The following ARID3A variants were observed in gnomAD, a reference collection of about 807,000 sequenced individuals.
ARID3A encodes AT-rich interaction domain 3A.
In ARID3A, 11 loss-of-function variants were observed where a neutral mutation model predicts 52.7. The ratio of observed to expected loss-of-function variants is 0.21; its 90% CI spans 0.13 to 0.35. ARID3A has a LOEUF of 0.35. ARID3A is among the 10% of genes least tolerant of loss of function. The pLI, the probability that ARID3A is intolerant of heterozygous loss-of-function variation, is 1.00. For missense variants in ARID3A, 721 were observed against 838.5 expected (o/e 0.86, Z 1.73); for synonymous variants, 404 against 359.4 (o/e 1.12, Z -1.40).
chr19:961,770 T>C (rs1331691955), intron 4 of ARID3A: 1 of 152,150 alleles, frequency 6.6e-6, no homozygotes, highest in Admixed American at 6.6e-5. Flanking sequence ...AGTACAAAAA[T>C]TGACCAGGCG....
At position 932,600 on chromosome 19, in the gene ARID3A, G is replaced by C; in HGVS notation, c.551G>C (p.Arg184Pro). 6.6e-7 allele frequency: 1 copy of C among 1,516,772 alleles called. No individual in the cohort carries two copies. Among genetic ancestry groups the C allele is most frequent in the Non-Finnish European group, 8.8e-7 (1 of 1,134,572 alleles). 94.0% of individuals were successfully genotyped at this position (1,516,772 alleles called of 1,614,324 possible). ...PRKAQPPQAF[R>P]GDGVPRVLGG... ...AAGGCCCAGCCACCCCAGGCCTTCCGCGGCGATGGCGTTCCCAGGGTGCTG... is the reference window on the plus strand; with the variant it reads ...AAGGCCCAGCCACCCCAGGCCTTCCCCGGCGATGGCGTTCCCAGGGTGCTG... Residue 184 changes from arginine (R) to proline (P), a missense_variant, in exon 3 of 9, where the codon CGC becomes CCC. Around this residue, in one of 5 missense-constraint regions of ARID3A, gnomAD observed 349 missense variants for 297.3 expected, o/e 1.17. Coordinates refer to ENST00000263620, the MANE Select transcript of ARID3A (RefSeq NM_005224.3).
rs545881906 is a variant in ARID3A, at chr19:942,489, C to T, written c.693+9747C>T. ...GCGGACCGCCTCTTCTCCGCTCTGCCGGCTGCACATGGCCAGAGGACAATT... is the reference window on the plus strand; with the variant it reads ...GCGGACCGCCTCTTCTCCGCTCTGCTGGCTGCACATGGCCAGAGGACAATT... On this transcript the variant is annotated intron_variant, in intron 3 of 8. Coordinates refer to ENST00000263620, the MANE Select transcript of ARID3A (RefSeq NM_005224.3). This position sits in a 1 kb window ranked among gnomAD's most constrained non-coding sequence, Gnocchi z 8.1. 4.6e-5 allele frequency among the ~76,000 whole-genome samples: 7 copies of T among 152,346 alleles called. No homozygotes were observed. Among genetic ancestry groups the T allele is most frequent in the South Asian group, 2.1e-4 (1 of 4,828 alleles).
At chr19:936,687 A>G (rs577984464) in intron 3 of ARID3A, among the ~76,000 whole-genome samples, 10 of 151,730 alleles carry the variant, frequency 6.6e-5, no homozygotes, top group Non-Finnish European at 1.0e-4. Flanking sequence ...CTAAAAATAT[A>G]AAAAATTAGC....
At chr19:939,331 G>A (rs1482616096) in intron 3 of ARID3A, among the ~76,000 whole-genome samples, 3 of 152,070 alleles carry the variant, frequency 2.0e-5, no homozygotes, top group African/African-American at 7.2e-5. Flanking sequence ...GTTGCCCAGG[G>A]TGGTCTCGTA....
chr19:970,377 T>C (rs1334662419), intron 8 of ARID3A, among the ~76,000 whole-genome samples: 3 of 151,754 alleles, frequency 2.0e-5, no homozygotes, highest in African/African-American at 7.3e-5. Flanking sequence ...CCAGGGGCAG[T>C]GGCCCACGCC....
chr19:939,523 G>T (rs1231270613), intron 3 of ARID3A, among the ~76,000 whole-genome samples: 2 of 152,124 alleles, frequency 1.3e-5, no homozygotes, highest in Admixed American at 6.5e-5. Flanking sequence ...TGACCTCTAG[G>T]GCATGAGCCG....
Position 974,801 on chromosome 19 carries a change from G to C in ARID3A, c.*2736G>C, listed in dbSNP as rs762318928. On this transcript the variant is annotated 3_prime_UTR_variant, in exon 9 of 9. Coordinates refer to ENST00000263620, the MANE Select transcript of ARID3A (RefSeq NM_005224.3). Reference sequence around the variant, plus strand: ...GCGATCCGGCCTCCCGGCGGTGGGTGGACCTGGATTCTAACTCAGAGGACT... The same window carrying C: ...GCGATCCGGCCTCCCGGCGGTGGGTCGACCTGGATTCTAACTCAGAGGACT... The C allele has an allele frequency of 1.4e-5, 3 of 214,216 alleles. No individual in the cohort carries two copies. The highest frequency in any genetic ancestry group is 2.8e-5 in the Non-Finnish European group (3 of 106,426). The allele number at this position is 214,216 out of a possible 1,614,324, so 13.3% of individuals were successfully genotyped here.
Position 932,436 on chromosome 19 carries a change from G to A in ARID3A, c.387G>A (p.Glu129=), listed in dbSNP as rs759689906. The A allele has an allele frequency of 4.4e-6, 7 of 1,589,300 alleles. No homozygotes were observed. The highest frequency in any genetic ancestry group is 6.0e-6 in the Non-Finnish European group (7 of 1,173,642). Reference sequence around the variant, plus strand: ...ACCCCAGGAAGCCCAAATGGGAGGAGGAGGAGATGGAGGAAGACCTCGGGG... The same window carrying A: ...ACCCCAGGAAGCCCAAATGGGAGGAAGAGGAGATGGAGGAAGACCTCGGGG... The part of the protein sequence containing the change: ...SDEDMKPKWE[E]EEMEEDLGED... The change falls in exon 3 of 9, where the codon GAG becomes GAA. Residue 129 remains glutamate (E), a synonymous_variant. Coordinates refer to ENST00000263620, the MANE Select transcript of ARID3A (RefSeq NM_005224.3).
At position 941,050 on chromosome 19, in the gene ARID3A, G is replaced by A. The variant is rs1051719773; in HGVS notation, c.693+8308G>A. On this transcript the variant is annotated intron_variant, in intron 3 of 8. Transcript: ENST00000263620. The surrounding 1 kb of genome is among the most constrained non-coding windows in gnomAD (Gnocchi z 6.9). ...CCTGGCCGTCGGGTCACCGCCGCGG[G>A]GTCACCGCCGCCGCGGCCTGGCCCC... Among the ~76,000 whole-genome samples the A allele has an allele frequency of 4.6e-5, 7 of 152,062 alleles. No homozygotes were observed. Among genetic ancestry groups the A allele is most frequent in the African/African-American group, 1.7e-4 (7 of 41,418 alleles).
At chr19:928,979 C>T (rs1250816801) in intron 1 of ARID3A, 1 of 152,470 alleles carries the variant, frequency 6.6e-6, no homozygotes, top group Non-Finnish European at 1.5e-5. Context: ...GCCAGGAACG[C>T]CCATTCCCCC....
In ARID3A at chr19:947,599, G is replaced by A. The variant is rs1350259587; in HGVS notation, c.694-12493G>A. ...CGAGGTGCCAGGGTGGCGATCGCAC[G>A]AAGGGCCCGTCACGGGAGAATGAGG... is the stretch of plus-strand genomic sequence containing the variant. On this transcript the variant is annotated intron_variant, in intron 3 of 8. Transcript: ENST00000263620. This position sits in a 1 kb window ranked among gnomAD's most constrained non-coding sequence, Gnocchi z 6.3. Among the ~76,000 whole-genome samples the A allele has an allele frequency of 6.6e-6, 1 of 152,204 alleles. No homozygotes were observed. Among genetic ancestry groups the A allele is most frequent in the African/African-American group, 2.4e-5 (1 of 41,454 alleles).
At chr19:933,681 C>T (rs998596897) in intron 3 of ARID3A, among the ~76,000 whole-genome samples, 7 of 152,174 alleles carry the variant, frequency 4.6e-5, no homozygotes, top group Non-Finnish European at 7.4e-5. Context: ...GGGGGGCCTC[C>T]CCGGGGCTCC....
chr19:935,136 G>A (rs889567069), intron 3 of ARID3A, among the ~76,000 whole-genome samples: 19 of 152,350 alleles, frequency 1.2e-4, no homozygotes, highest in Admixed American at 9.8e-4. Context: ...CGGCCGCTTG[G>A]CACCGTCTCT....
At position 973,468 on chromosome 19, in the gene ARID3A, C is replaced by T. The variant is rs1599435301; in HGVS notation, c.*1403C>T. 2 of 211,818 alleles carry T rather than the reference C, an allele frequency of 9.4e-6. No individual in the cohort carries two copies. Among genetic ancestry groups the T allele is most frequent in the Admixed American group, 5.9e-5 (1 of 16,960 alleles). 13.1% of individuals were successfully genotyped at this position (211,818 alleles called of 1,614,324 possible). A position where few individuals can be genotyped will look rare whatever the true frequency, so the allele number is the denominator to read the frequency against. On this transcript the variant is annotated 3_prime_UTR_variant, in exon 9 of 9. Transcript: ENST00000263620. ...AGTGCTGGAAAAAGGGCCTGGGGGG[C>T]GGGGGTGGTTCTTGTCGAAGCCCCC... is the stretch of plus-strand genomic sequence containing the variant.
rs1458652219 is a variant in ARID3A at position 965,210 on chromosome 19, G to T, written c.1198+130G>T. 9.9e-6 allele frequency: 11 copies of T among 1,105,610 alleles called. No individual in the cohort carries two copies. The East Asian group carries it at 2.6e-4, about 26-fold the overall frequency. 68.5% of individuals were successfully genotyped at this position (1,105,610 alleles called of 1,614,324 possible). On this transcript the variant is annotated intron_variant, in intron 6 of 8. Transcript: ENST00000263620. ...AACCCTATAGTTGGCATGGAAAAGG[G>T]CTTCCAATCTACCAGTCCTCTGCCT...
rs370314280 is a variant in ARID3A, at chr19:947,300, C to T, written c.694-12792C>T. ...TCGGCGGAGACTCTATTAGGGACTG[C>T]GGGCCCCAGATTTCCACGTCATATC... On this transcript the variant is annotated intron_variant, in intron 3 of 8. Transcript: ENST00000263620. This position sits in a 1 kb window ranked among gnomAD's most constrained non-coding sequence, Gnocchi z 6.3. Among the ~76,000 whole-genome samples the T allele has an allele frequency of 6.6e-6, 1 of 152,130 alleles. No homozygotes were observed. The highest frequency in any genetic ancestry group is 1.5e-5 in the Non-Finnish European group (1 of 68,026).
Position 942,668 on chromosome 19 carries a change from G to T in ARID3A, c.693+9926G>T, listed in dbSNP as rs761645340. ...TGGAGGCCGCCCCTCCCACTGCCCC[G>T]CAGGCCCTGGTTCTGGCCAGGCTCA... On this transcript the variant is annotated intron_variant, in intron 3 of 8. Transcript: ENST00000263620. This position sits in a 1 kb window ranked among gnomAD's most constrained non-coding sequence, Gnocchi z 8.1. 6.6e-6 allele frequency among the ~76,000 whole-genome samples: 1 copy of T among 152,186 alleles called. No homozygotes were observed. The highest frequency in any genetic ancestry group is 1.5e-5 in the Non-Finnish European group (1 of 68,020).
At chr19:970,772 G>A (rs997865829) in intron 8 of ARID3A, among the ~76,000 whole-genome samples, 3 of 151,846 alleles carry the variant, frequency 2.0e-5, no homozygotes, top group Admixed American at 6.6e-5. Flanking sequence ...CACACCCGGC[G>A]GTAAATGAAT....
chr19:933,574 G>A (rs755223159), intron 3 of ARID3A, among the ~76,000 whole-genome samples: 80 of 152,278 alleles, frequency 5.3e-4, no homozygotes, highest in South Asian at 5.0e-3. Context: ...TGATGGACAC[G>A]CTGGGACATG....
Sources: allele counts gnomAD v4.1 joint callset (sites outside exome capture counted in the v4.1 genomes callset), GRCh38; gene constraint gnomAD v4.1.1; regional missense constraint gnomAD v4.1.1; non-coding constraint Gnocchi (gnomAD v3.1); transcripts MANE v1.5; gene names NCBI Gene and HGNC (gene_info 2026-07-23, HGNC 2026-07-21).